KCNH8: variants seen among roughly 807,000 people sequenced by gnomAD.
KCNH8 encodes the protein voltage-gated delayed rectifier potassium channel KCNH8.
In KCNH8, 70 loss-of-function variants were observed where a neutral mutation model predicts 103.6. The ratio of observed to expected loss-of-function variants is 0.68; its 90% confidence interval spans 0.56 to 0.82. KCNH8 has a LOEUF of 0.82. Ranked by LOEUF, KCNH8 falls within the 40% of genes least tolerant of loss-of-function variation. The pLI is 0.00. For synonymous variants in KCNH8, 498 were observed against 489.4 expected (o/e 1.02, Z -0.23); for missense variants, 1,217 against 1,329.9 (o/e 0.92, Z 1.32).
At chr3:19,247,797 C>A (rs1411513365) in intron 1 of KCNH8, among the ~76,000 whole-genome samples, 1 of 152,044 alleles carries the variant, frequency 6.6e-6, no homozygotes, top group Non-Finnish European at 1.5e-5. Flanking sequence ...TATCAGTGAC[C>A]CCATTGCTTT....
chr3:19,293,870 A>G (rs1380259456), intron 3 of KCNH8, among the ~76,000 whole-genome samples: 1 of 152,222 alleles, frequency 6.6e-6, no homozygotes, highest in Non-Finnish European at 1.5e-5. Flanking sequence ...TGATGAGTAT[A>G]TGAATGCATA....
chr3:19,350,083 C>A (rs1469067516), intron 5 of KCNH8, among the ~76,000 whole-genome samples: 2 of 152,042 alleles, frequency 1.3e-5, no homozygotes, highest in African/African-American at 2.4e-5. Context: ...TATCTGCCTG[C>A]TCTTTCTTTT....
intron 15 of KCNH8, among the ~76,000 whole-genome samples, chr3:19,519,136 G>A (rs1271724959): frequency 4.6e-5 from 7 of 151,980 alleles, no homozygotes; most frequent in Non-Finnish European, 7.4e-5. Context: ...GGCTCTTCAG[G>A]CAGGCCTGAA....
chr3:19,186,738 A>G (rs1019647665), intron 1 of KCNH8, among the ~76,000 whole-genome samples: 1 of 152,056 alleles, frequency 6.6e-6, no homozygotes, highest in African/African-American at 2.4e-5. Context: ...ATGAATCCCA[A>G]GTTTTTATGG....
At chr3:19,324,873 C>G (rs1056069501) in intron 3 of KCNH8, among the ~76,000 whole-genome samples, 1 of 151,984 alleles carries the variant, frequency 6.6e-6, no homozygotes, top group Non-Finnish European at 1.5e-5. Flanking sequence ...AGGGCCCAAA[C>G]AGCCAAGGCA....
In KCNH8 at chr3:19,390,463, CT is replaced by C. The variant is rs751416333; in HGVS notation, c.812-10del. 38 of 1,582,202 alleles carry C rather than the reference CT, an allele frequency of 2.4e-5. No homozygotes were observed. Among genetic ancestry groups the C allele is most frequent in the Admixed American group, 5.2e-5 (3 of 58,012 alleles). On this transcript the variant is annotated splice_polypyrimidine_tract_variant and intron_variant, in intron 5 of 15. Transcript: ENST00000328405. ...CTGTCTCTTCCTTTTATTTCTCAAC[CT>C]TTTTTTTCCCAAGCAGATATTATTT...
At position 19,374,265 on chromosome 3, in the gene KCNH8, A is replaced by C. The variant is rs1229159695; in HGVS notation, c.812-16216A>C. Among the ~76,000 whole-genome samples the C allele has an allele frequency of 2.0e-5, 3 of 151,806 alleles. No individual in the cohort carries two copies. In the Middle Eastern group the frequency reaches 0.01, roughly 516 times the overall value. Reference sequence around the variant, plus strand: ...GTCTAAGTCTCTTTGTAGGTCACTCAGGACTGGCTTTATGAATCTGGGTAC... The same window carrying C: ...GTCTAAGTCTCTTTGTAGGTCACTCCGGACTGGCTTTATGAATCTGGGTAC... On this transcript the variant is annotated intron_variant, in intron 5 of 15. Transcript: ENST00000328405.
intron 5 of KCNH8, among the ~76,000 whole-genome samples, chr3:19,354,702 C>T (rs1262731907): frequency 6.6e-6 from 1 of 152,158 alleles, no homozygotes; most frequent in African/African-American, 2.4e-5. Context: ...AACTGGATCC[C>T]TTCCTTACAC....
At chr3:19,162,985 A>G (rs556226598) in intron 1 of KCNH8, among the ~76,000 whole-genome samples, 33 of 152,148 alleles carry the variant, frequency 2.2e-4, no homozygotes, top group African/African-American at 7.7e-4. Context: ...CATAGATAAT[A>G]TTTTTTCAAT....
chr3:19,205,293 T>C (rs577709850), intron 1 of KCNH8, among the ~76,000 whole-genome samples: 1 of 152,182 alleles, frequency 6.6e-6, no homozygotes, highest in Admixed American at 6.6e-5. Context: ...TGCCAAAAAC[T>C]ATATTTCAAT....
intron 6 of KCNH8, among the ~76,000 whole-genome samples, chr3:19,393,123 A>G (rs890943938): frequency 1.3e-5 from 2 of 151,938 alleles, no homozygotes; most frequent in African/African-American, 4.8e-5. Flanking sequence ...TGATGAATGC[A>G]CCTGTCTATG....
intron 15 of KCNH8, among the ~76,000 whole-genome samples, chr3:19,518,603 A>G (rs891517692): frequency 1.3e-5 from 2 of 151,978 alleles, no homozygotes; most frequent in Non-Finnish European, 2.9e-5. Flanking sequence ...GTATATTTAT[A>G]TATCATAAAA....
intron 1 of KCNH8, among the ~76,000 whole-genome samples, chr3:19,239,810 A>C (rs1162501787): frequency 6.6e-6 from 1 of 152,120 alleles, no homozygotes; most frequent in Non-Finnish European, 1.5e-5. Context: ...AACCTTAAAG[A>C]TATTAGCCTT....
At chr3:19,494,944 GGTTA>G (rs1283648894) in intron 11 of KCNH8, among the ~76,000 whole-genome samples, 1 of 152,076 alleles carries the variant, frequency 6.6e-6, no homozygotes, top group African/African-American at 2.4e-5. Context: ...TTTCTCTAAT[GGTTA>G]GTGATGATGA....
rs17005830 is a variant in KCNH8 at position 19,338,253 on chromosome 3, T to G, written c.443-4334T>G. ...ATCATATACTAACTCTTCTGGACTT[T>G]CTTCAGTTCTTCAAAGATGCTGAAC... On this transcript the variant is annotated intron_variant, in intron 3 of 15. Coordinates refer to ENST00000328405, the MANE Select transcript of KCNH8 (RefSeq NM_144633.3). 8.4e-3 allele frequency among the ~76,000 whole-genome samples: 1,285 copies of G among 152,092 alleles called. 26 individuals carry two copies. Among genetic ancestry groups the G allele is most frequent in the African/African-American group, 0.029 (1,193 of 41,498 alleles).
intron 7 of KCNH8, among the ~76,000 whole-genome samples, chr3:19,413,139 A>G (rs2066807733): frequency 1.1e-5 from 1 of 92,400 alleles, no homozygotes; most frequent in Non-Finnish European, 2.3e-5. Flanking sequence ...TCAGCGGTGG[A>G]TTGGATAAAG....
At chr3:19,415,565 A>G (rs898448648) in intron 7 of KCNH8, among the ~76,000 whole-genome samples, 6 of 151,994 alleles carry the variant, frequency 3.9e-5, no homozygotes, top group African/African-American at 1.4e-4. Flanking sequence ...CTTATTAATA[A>G]AAGTAGAGAG....
At chr3:19,441,884 T>C (rs928045449) in intron 8 of KCNH8, among the ~76,000 whole-genome samples, 2 of 152,136 alleles carry the variant, frequency 1.3e-5, no homozygotes, top group African/African-American at 4.8e-5. Flanking sequence ...TACAGTGAAA[T>C]CAAAGAAGTA....
chr3:19,275,407 C>T (rs1198017012), intron 2 of KCNH8, among the ~76,000 whole-genome samples: 1 of 152,100 alleles, frequency 6.6e-6, no homozygotes, highest in Non-Finnish European at 1.5e-5. Flanking sequence ...CCACGCTGCC[C>T]TCCACTGTTA....
Sources: gnomAD v4.1 joint callset for allele counts (sites outside exome capture counted in the v4.1 genomes callset) on GRCh38, gnomAD v4.1.1 for gene constraint, MANE v1.5 for transcripts, NCBI Gene and HGNC (gene_info 2026-07-23, HGNC 2026-07-21) for gene names.